ULK4: variants seen among roughly 807,000 people sequenced by gnomAD.
The protein encoded by ULK4 is inactive serine/threonine-protein kinase ULK4.
In ULK4, 133 loss-of-function variants were observed where a neutral mutation model predicts 160.6. That is an observed-to-expected ratio of 0.83 (90% CI 0.72 to 0.96). The LOEUF is 0.96. Ranked by LOEUF, ULK4 falls within the 40% of genes least tolerant of loss-of-function variation. The pLI is 0.00. For missense variants in ULK4, 1,580 were observed against 1,499.5 expected, an observed-to-expected ratio of 1.05 and a Z score of -0.89; for synonymous variants, 534 against 539.8, an observed-to-expected ratio of 0.99 and a Z score of 0.15.
At chr3:41,825,909 G>A (rs565812184) in intron 18 of ULK4, among the ~76,000 whole-genome samples, 42 of 152,304 alleles carry the variant, frequency 2.8e-4, no homozygotes, top group African/African-American at 1.0e-3. Context: ...CAGCCAGAGA[G>A]AAAGGTCGGG....
At chr3:41,297,278 T>C (rs938213901) in intron 35 of ULK4, among the ~76,000 whole-genome samples, 6 of 152,214 alleles carry the variant, frequency 3.9e-5, no homozygotes, top group Non-Finnish European at 8.8e-5. Context: ...CCTGCTTCTC[T>C]GCAATCACTG....
chr3:41,907,667 T>G (rs1398929109), intron 12 of ULK4, among the ~76,000 whole-genome samples, 178 bp downstream of exon 12: 1 of 152,152 alleles, frequency 6.6e-6, no homozygotes, highest in Non-Finnish European at 1.5e-5. Context: ...AAAAGAACCA[T>G]GAAGCAACTA....
chr3:41,484,722 G>T (rs909774442), intron 32 of ULK4, among the ~76,000 whole-genome samples: 2 of 152,088 alleles, frequency 1.3e-5, no homozygotes, highest in Non-Finnish European at 2.9e-5. Context: ...AAAGTGCTGG[G>T]ATTACAGGCG....
chr3:41,691,879 A>G (rs2036311465), intron 27 of ULK4, among the ~76,000 whole-genome samples: 1 of 151,492 alleles, frequency 6.6e-6, no homozygotes, highest in African/African-American at 2.4e-5. Flanking sequence ...ACAATGCAGC[A>G]AGACAATAAA....
At chr3:41,556,264 A>T (rs2087295646) in intron 32 of ULK4, among the ~76,000 whole-genome samples, 1 of 152,220 alleles carries the variant, frequency 6.6e-6, no homozygotes, top group Non-Finnish European at 1.5e-5. Flanking sequence ...AAGATTTATA[A>T]GAATTAGTTT....
chr3:41,365,339 C>T (rs2081234656), intron 35 of ULK4, among the ~76,000 whole-genome samples: 1 of 152,128 alleles, frequency 6.6e-6, no homozygotes, highest in African/African-American at 2.4e-5. Flanking sequence ...TTTAATGAAG[C>T]AAATACGAAA....
chr3:41,648,891 T>C (rs888033711), intron 30 of ULK4, among the ~76,000 whole-genome samples: 1 of 152,132 alleles, frequency 6.6e-6, no homozygotes, highest in African/African-American at 2.4e-5. Flanking sequence ...CCCAGCACTT[T>C]AGGAGGCCAA....
chr3:41,434,869 A>G (rs535667102), intron 34 of ULK4, among the ~76,000 whole-genome samples: 5 of 152,308 alleles, frequency 3.3e-5, no homozygotes, highest in Non-Finnish European at 7.4e-5. Context: ...CCTACAGAAA[A>G]AAGTTTAGTA....
chr3:41,383,966 A>T (rs1451363294), intron 35 of ULK4, among the ~76,000 whole-genome samples: 1 of 152,140 alleles, frequency 6.6e-6, no homozygotes, highest in Non-Finnish European at 1.5e-5. Context: ...ATATTATCAA[A>T]ATTTTATAGT....
intron 35 of ULK4, among the ~76,000 whole-genome samples, chr3:41,304,462 T>C (rs567127931): frequency 6.6e-6 from 1 of 152,212 alleles, no homozygotes; most frequent in African/African-American, 2.4e-5. Context: ...CATGTTGACT[T>C]AGAAGAAACA....
At chr3:41,957,233 C>T (rs532246364) in intron 1 of ULK4, among the ~76,000 whole-genome samples, 2 of 152,062 alleles carry the variant, frequency 1.3e-5, no homozygotes, top group Admixed American at 6.6e-5. Context: ...GTGGGCTGAT[C>T]GCCTGAGGTC....
chr3:41,911,945 G>A (rs1451564239), intron 9 of ULK4, among the ~76,000 whole-genome samples: 3 of 152,020 alleles, frequency 2.0e-5, no homozygotes, highest in African/African-American at 7.2e-5. Flanking sequence ...TTGAACTCAG[G>A]AGTTTGAGAC....
intron 34 of ULK4, among the ~76,000 whole-genome samples, chr3:41,399,348 T>TTTGTCTTTATATAG (rs1250909076): frequency 7.0e-4 from 106 of 152,304 alleles, no homozygotes; most frequent in African/African-American, 2.2e-3. Flanking sequence ...AAATAGGTCA[T>TTTGTCTTTATATAG]TTGTCTTTAT....
At chr3:41,844,477 C>T (rs1286532048) in intron 17 of ULK4, among the ~76,000 whole-genome samples, 1 of 152,218 alleles carries the variant, frequency 6.6e-6, no homozygotes, top group East Asian at 1.9e-4. Flanking sequence ...CGCGCCAAGC[C>T]CATGCCCACC....
chr3:41,948,084 A>G (rs1305618987), intron 2 of ULK4, among the ~76,000 whole-genome samples: 1 of 152,012 alleles, frequency 6.6e-6, no homozygotes, highest in Non-Finnish European at 1.5e-5. Flanking sequence ...AGTTCTGGGT[A>G]TTTCCCTCTC....
At chr3:41,611,752 C>CT (rs1259619848) in intron 31 of ULK4, among the ~76,000 whole-genome samples, 1 of 152,120 alleles carries the variant, frequency 6.6e-6, no homozygotes, top group African/African-American at 2.4e-5. Context: ...GCGTTCTAGA[C>CT]TTTTTTTGTT....
At chr3:41,657,870 C>T (rs1015746405) in intron 30 of ULK4, among the ~76,000 whole-genome samples, 3 of 139,178 alleles carry the variant, frequency 2.2e-5, no homozygotes, top group Non-Finnish European at 3.0e-5. Context: ...TGGGGATGAT[C>T]TCTAAAGTTA....
chr3:41,630,902 A>G (rs2033713313), intron 30 of ULK4, among the ~76,000 whole-genome samples: 1 of 152,130 alleles, frequency 6.6e-6, no homozygotes, highest in African/African-American at 2.4e-5. Flanking sequence ...ATATTTGCTC[A>G]GCAACTGACT....
chr3:41,831,884 C>T (rs9817563), intron 18 of ULK4, among the ~76,000 whole-genome samples: 7,062 of 152,154 alleles, frequency 0.046, 316 homozygotes, highest in African/African-American at 0.11. Flanking sequence ...TGATCTCATT[C>T]TTTTTTATTG....
Sources: allele counts gnomAD v4.1 joint callset (sites outside exome capture counted in the v4.1 genomes callset), GRCh38; gene constraint gnomAD v4.1.1; transcripts MANE v1.5; gene names NCBI Gene and HGNC (gene_info 2026-07-23, HGNC 2026-07-21).